The following CADPS2 variants were observed in gnomAD, a reference collection of about 807,000 sequenced individuals.
CADPS2 encodes calcium dependent secretion activator 2, also known as calcium-dependent secretion activator 2.
A neutral mutation model predicts 172.5 loss-of-function variants in CADPS2; 93 were observed. The observed-to-expected ratio is 0.54, with a 90% confidence interval of 0.46 to 0.64. The LOEUF is 0.64. CADPS2 is among the 30% of genes least tolerant of loss of function. The pLI, the probability that CADPS2 is intolerant of heterozygous loss-of-function variation, is 0.00. For missense variants in CADPS2, 1,420 were observed against 1,565.9 expected (o/e 0.91, Z 1.57); for synonymous variants, 546 against 555.2 (o/e 0.98, Z 0.23).
chr7:122,567,777 A>G (rs2066657517), intron 7 of CADPS2, among the ~76,000 whole-genome samples: 2 of 152,126 alleles, frequency 1.3e-5, no homozygotes, highest in Admixed American at 6.6e-5. Flanking sequence ...TGATGAGTTA[A>G]AACAACATAA....
In CADPS2 at chr7:122,886,312, T is replaced by C; in HGVS notation, c.26A>G (p.Glu9Gly). ...CTCTTCCAGCCCCTCGTCCGACTCC[T>C]CTTCGCTGGAAGACGGGTCCAGCAT... is the stretch of plus-strand genomic sequence containing the variant. MLDPSSSEEESDEGLEEES... is the reference protein window; with the variant it reads MLDPSSSEGESDEGLEEES... Residue 9 changes from glutamate (E) to glycine (G), a missense_variant, in exon 1 of 30, where the codon GAG becomes GGG. Physicochemically the swap from Glu to Gly is moderately conservative, Grantham distance 98. Coordinates refer to ENST00000449022, the MANE Select transcript of CADPS2 (RefSeq NM_017954.11). 2.0e-6 allele frequency: 3 copies of C among 1,503,038 alleles called. No homozygotes were observed. Among genetic ancestry groups the C allele is most frequent in the Non-Finnish European group, 2.6e-6 (3 of 1,134,620 alleles). 93.1% of individuals were successfully genotyped at this position (1,503,038 alleles called of 1,614,324 possible).
intron 1 of CADPS2, among the ~76,000 whole-genome samples, chr7:122,804,584 G>C (rs1031696570): frequency 1.3e-5 from 2 of 152,148 alleles, no homozygotes; most frequent in Non-Finnish European, 2.9e-5. Context: ...AGTGTGTAGT[G>C]TAAGAAAAAG....
chr7:122,689,935 G>T (rs931875337), intron 2 of CADPS2, among the ~76,000 whole-genome samples: 1 of 152,130 alleles, frequency 6.6e-6, no homozygotes, highest in Admixed American at 6.5e-5. Context: ...TGGGTTTTGT[G>T]ACGCCTCCTA....
intron 28 of CADPS2, among the ~76,000 whole-genome samples, chr7:122,327,199 A>T (rs1040404300): frequency 6.6e-6 from 1 of 152,108 alleles, no homozygotes; most frequent in African/African-American, 2.4e-5. Flanking sequence ...TCTTTTATAG[A>T]TACTTTAATT....
intron 8 of CADPS2, 64 bp from the exon 9 acceptor site, chr7:122,513,379 A>G: frequency 7.8e-7 from 1 of 1,284,996 alleles, no homozygotes; most frequent in South Asian, 1.3e-5. Context: ...CCATGTAATC[A>G]CATTTCTTCC....
At chr7:122,493,480 T>A (rs571925634) in intron 9 of CADPS2, among the ~76,000 whole-genome samples, 1 of 152,128 alleles carries the variant, frequency 6.6e-6, no homozygotes, top group Non-Finnish European at 1.5e-5. Flanking sequence ...CATGACAAAT[T>A]GTGGATTTAA....
At chr7:122,528,922 CCTTTT>C (rs1246988484) in intron 8 of CADPS2, among the ~76,000 whole-genome samples, 1 of 152,054 alleles carries the variant, frequency 6.6e-6, no homozygotes, top group East Asian at 1.9e-4. Flanking sequence ...TTCCTTTTAA[CCTTTT>C]CTTTTTACAT....
At chr7:122,687,534 G>T (rs575545878) in intron 2 of CADPS2, among the ~76,000 whole-genome samples, 1 of 152,128 alleles carries the variant, frequency 6.6e-6, no homozygotes, top group Non-Finnish European at 1.5e-5. Flanking sequence ...GTCTCTCTGC[G>T]TCTCCATTTC....
intron 2 of CADPS2, among the ~76,000 whole-genome samples, chr7:122,729,312 A>G (rs535102625): frequency 3.9e-5 from 6 of 152,010 alleles, no homozygotes; most frequent in African/African-American, 1.4e-4. Flanking sequence ...TATTGGGAAT[A>G]GTGCCACAAT....
At chr7:122,634,131 T>C (rs2076832836) in intron 3 of CADPS2, among the ~76,000 whole-genome samples, 2 of 152,096 alleles carry the variant, frequency 1.3e-5, no homozygotes, top group East Asian at 3.8e-4. Flanking sequence ...GGGATATTGA[T>C]TTCTTATTTC....
chr7:122,582,053 A>T (rs1435106246), intron 6 of CADPS2, among the ~76,000 whole-genome samples: 1 of 152,034 alleles, frequency 6.6e-6, no homozygotes, highest in East Asian at 1.9e-4. Context: ...TATTTCTCAC[A>T]ACTCTGAGAG....
chr7:122,819,741 A>G (rs955008825), intron 1 of CADPS2, among the ~76,000 whole-genome samples: 1 of 151,980 alleles, frequency 6.6e-6, no homozygotes, highest in Non-Finnish European at 1.5e-5. Context: ...CTACAGCTAT[A>G]TCTCATCGCC....
At chr7:122,865,825 T>A (rs537608943) in intron 1 of CADPS2, among the ~76,000 whole-genome samples, 1 of 152,140 alleles carries the variant, frequency 6.6e-6, no homozygotes, top group East Asian at 1.9e-4. Context: ...ATCTTGGAGG[T>A]CCACTAGCAG....
At chr7:122,875,061 G>A (rs1055046348) in intron 1 of CADPS2, among the ~76,000 whole-genome samples, 4 of 152,180 alleles carry the variant, frequency 2.6e-5, no homozygotes, top group African/African-American at 9.7e-5. Context: ...CATGGGACTA[G>A]GCATAAATTG....
chr7:122,840,262 C>T (rs953594204), intron 1 of CADPS2, among the ~76,000 whole-genome samples: 1 of 151,962 alleles, frequency 6.6e-6, no homozygotes, highest in Non-Finnish European at 1.5e-5. Flanking sequence ...GGGAACATCA[C>T]ACACCAGGGC....
intron 14 of CADPS2, among the ~76,000 whole-genome samples, chr7:122,468,062 T>C (rs1313926633): frequency 6.6e-6 from 1 of 152,190 alleles, no homozygotes; most frequent in Non-Finnish European, 1.5e-5. Context: ...GAGATGTATC[T>C]GTACAGAAAG....
intron 1 of CADPS2, among the ~76,000 whole-genome samples, chr7:122,760,197 A>G (rs1370361315): frequency 6.6e-6 from 1 of 152,050 alleles, no homozygotes; most frequent in African/African-American, 2.4e-5. Flanking sequence ...CATATTATTA[A>G]GCACTGTATA....
At chr7:122,486,753 T>C (rs937177311) in intron 11 of CADPS2, among the ~76,000 whole-genome samples, 34 of 152,244 alleles carry the variant, frequency 2.2e-4, no homozygotes, top group African/African-American at 8.2e-4. Flanking sequence ...CAGAAAATCT[T>C]TCGTGAAAGA....
intron 3 of CADPS2, among the ~76,000 whole-genome samples, chr7:122,630,943 T>C (rs1454399193): frequency 6.6e-6 from 1 of 152,174 alleles, no homozygotes; most frequent in African/African-American, 2.4e-5. Flanking sequence ...CAAACAATTT[T>C]AATTGATTAA....
Sources: gnomAD v4.1 joint callset for allele counts (sites outside exome capture counted in the v4.1 genomes callset) on GRCh38, gnomAD v4.1.1 for gene constraint, MANE v1.5 for transcripts, NCBI Gene and HGNC (gene_info 2026-07-23, HGNC 2026-07-21) for gene names.